The following IL33 variants were observed in gnomAD, a reference collection of about 807,000 sequenced individuals.
IL33 encodes interleukin-33.
A neutral mutation model predicts 27.3 loss-of-function variants in IL33; 37 were observed. That is an observed-to-expected ratio of 1.36 (90% confidence interval 1.04 to 1.78). The LOEUF (loss-of-function observed/expected upper bound fraction) is 1.78, where lower values mean the gene tolerates loss of function less well. Among genes scored for constraint, IL33 ranks in the 40% most tolerant of loss-of-function variants. The probability of loss-of-function intolerance (pLI) is 0.00; values close to 1 mark genes in which losing one functional copy is unlikely to be tolerated. For synonymous variants in IL33, 132 were observed against 102.9 expected, an observed-to-expected ratio of 1.28 and a Z score of -1.71; for missense variants, 406 against 311.4, an observed-to-expected ratio of 1.30 and a Z score of -2.29.
rs760177462 is a variant in IL33 at position 6,254,415 on chromosome 9, T to G, written c.521-47T>G. ...GGTGTTGAATTCATTTAAATAAAGA[T>G]GAGTTACAGTTCTTAACTTTATCAT... On this transcript the variant is annotated intron_variant, in intron 6 of 7. Transcript: ENST00000682010. The G allele has an allele frequency of 6.6e-6, 8 of 1,214,558 alleles. No homozygotes were observed. In the East Asian group the frequency reaches 1.2e-4, roughly 18 times the overall value. 75.2% of individuals were successfully genotyped at this position (1,214,558 alleles called of 1,614,324 possible). A position where few individuals can be genotyped will look rare whatever the true frequency, so the allele number is the denominator to read the frequency against.
chr9:6,249,041 G>C (rs1816178240), intron 2 of IL33, among the ~76,000 whole-genome samples: 1 of 152,146 alleles, frequency 6.6e-6, no homozygotes, highest in Non-Finnish European at 1.5e-5. Flanking sequence ...AATTATCTTT[G>C]TAAGTGTAAA....
At chr9:6,254,025 G>A (rs1052002233) in intron 6 of IL33, among the ~76,000 whole-genome samples, 7 of 152,072 alleles carry the variant, frequency 4.6e-5, no homozygotes, top group African/African-American at 2.4e-5. Context: ...TCCCTTTAAG[G>A]GTACAACCTA....
chr9:6,226,061 G>A (rs1818611887), intron 1 of IL33, among the ~76,000 whole-genome samples: 1 of 152,100 alleles, frequency 6.6e-6, no homozygotes, highest in Non-Finnish European at 1.5e-5. Flanking sequence ...AGGCTAGAGT[G>A]CAGTGACATA....
intron 1 of IL33, among the ~76,000 whole-genome samples, chr9:6,219,205 A>G (rs1026019699): frequency 7.9e-5 from 12 of 151,820 alleles, no homozygotes; most frequent in African/African-American, 2.9e-4. Flanking sequence ...CAACAAAATG[A>G]TTGGGTTGGG....
At chr9:6,227,683 T>C (rs1289909919) in intron 1 of IL33, among the ~76,000 whole-genome samples, 1 of 152,232 alleles carries the variant, frequency 6.6e-6, no homozygotes, top group Non-Finnish European at 1.5e-5. Flanking sequence ...ATAATGCTAC[T>C]AAATCTTCTC....
chr9:6,215,968 GTTA>G (rs1163609352), intron 1 of IL33, 116 bp downstream of exon 1: 3 of 150,090 alleles, frequency 2.0e-5, no homozygotes, highest in Non-Finnish European at 3.0e-5. Context: ...AGGCCAATTT[GTTA>G]TTATTGCTAA....
At chr9:6,222,028 A>G (rs1285424858) in intron 1 of IL33, among the ~76,000 whole-genome samples, 1 of 152,218 alleles carries the variant, frequency 6.6e-6, no homozygotes, top group Non-Finnish European at 1.5e-5. Flanking sequence ...CAAAGGAGGC[A>G]AAGTGAAAAG....
chr9:6,256,144 C>G lies in IL33; in HGVS notation c.789C>G (p.Ile263Met), dbSNP rs16924241. ...CTGAGAATTTGTGTACTGAAAATAT[C>G]TTGTTTAAGCTCTCTGAAACTTAGT... ...DSSENLCTEN[I>M]LFKLSET The change falls in exon 8 of 8, where the codon ATC (isoleucine) becomes ATG (methionine). Residue 263 changes from isoleucine (I) to methionine (M), a missense_variant. Coordinates refer to ENST00000682010, the MANE Select transcript of IL33 (RefSeq NM_033439.4). 1.9e-3 allele frequency: 3,108 copies of G among 1,613,056 alleles called. 56 individuals carry two copies. The African/African-American group carries it at 0.037, about 19-fold the overall frequency.
chr9:6,229,210 C>A (rs1195838440), intron 1 of IL33, among the ~76,000 whole-genome samples: 3 of 152,062 alleles, frequency 2.0e-5, no homozygotes, highest in Non-Finnish European at 4.4e-5. Context: ...AAACTGAGAC[C>A]TGGAGAGCTG....
In IL33 at chr9:6,252,058, A is replaced by AACAAAC. The variant is rs201999875; in HGVS notation, c.343+794_343+795insCAAACA. On this transcript the variant is annotated intron_variant, in intron 4 of 7. Coordinates refer to ENST00000682010, the MANE Select transcript of IL33 (RefSeq NM_033439.4). ...CAGAAAAAAAACAAACAAACAAACAAAAAAAAACCCAACAAAAAACAAAAC... is the reference window on the plus strand; with the variant it reads ...CAGAAAAAAAACAAACAAACAAACAAACAAACAAAAAAACCCAACAAAAAACAAAAC... 5.7e-5 allele frequency among the ~76,000 whole-genome samples: 7 copies of AACAAAC among 122,698 alleles called. 2 individuals are homozygous for AACAAAC. The highest frequency in any genetic ancestry group is 1.7e-4 in the Admixed American group (2 of 11,458). The allele number at this position is 122,698 out of a possible 152,430, so 80.5% of individuals were successfully genotyped here.
At chr9:6,248,597 C>T (rs942219038) in intron 2 of IL33, among the ~76,000 whole-genome samples, 2 of 151,534 alleles carry the variant, frequency 1.3e-5, no homozygotes, top group African/African-American at 4.9e-5. Flanking sequence ...TTTTTAGAGA[C>T]AGGGTCGCAC....
intron 1 of IL33, among the ~76,000 whole-genome samples, chr9:6,240,016 A>G (rs1186562417): frequency 6.6e-6 from 1 of 152,224 alleles, no homozygotes; most frequent in African/African-American, 2.4e-5. Context: ...CCCTACAGTC[A>G]AAACCATGTA....
chr9:6,257,981 G>A lies in IL33; in HGVS notation c.*1813G>A, dbSNP rs998397727. 6.6e-6 allele frequency: 1 copy of A among 152,104 alleles called. No homozygotes were observed. The highest frequency in any genetic ancestry group is 1.5e-5 in the Non-Finnish European group (1 of 68,004). The allele number at this position is 152,104 out of a possible 1,614,324, so 9.4% of individuals were successfully genotyped here. ...ATTGAATAAAGTATATTTTCCAAAT[G>A]TATGTGAGACTATAATGATTTTATC... On this transcript the variant is annotated 3_prime_UTR_variant, in exon 8 of 8. Coordinates refer to ENST00000682010, the MANE Select transcript of IL33 (RefSeq NM_033439.4).
chr9:6,216,592 A>C lies in IL33; in HGVS notation c.-12+740A>C, dbSNP rs1043965212. On this transcript the variant is annotated intron_variant, in intron 1 of 7. Transcript: ENST00000682010. Reference sequence around the variant, plus strand: ...TCTACTAAAAATACAAAAACAAACAAACAAAACTAGCTGGGTGTGGTGGTG... The same window carrying C: ...TCTACTAAAAATACAAAAACAAACACACAAAACTAGCTGGGTGTGGTGGTG... Among the ~76,000 whole-genome samples the C allele has an allele frequency of 2.0e-4, 30 of 152,094 alleles. 1 individual carries two copies. The East Asian group carries it at 5.6e-3, about 28-fold the overall frequency.
Position 6,241,673 on chromosome 9 carries a change from T to C in IL33, c.-11-11T>C. The stretch of plus-strand genomic sequence containing the variant: ...AGACAAATGAACTAATATTATATTT[T>C]AATCCAACAGAATACTGAAAAATGA... On this transcript the variant is annotated splice_polypyrimidine_tract_variant and intron_variant, in intron 1 of 7. Coordinates refer to ENST00000682010, the MANE Select transcript of IL33 (RefSeq NM_033439.4). 6.6e-7 allele frequency: 1 copy of C among 1,524,656 alleles called. No individual in the cohort carries two copies. Among genetic ancestry groups the C allele is most frequent in the Non-Finnish European group, 9.0e-7 (1 of 1,112,560 alleles). 94.4% of individuals were successfully genotyped at this position (1,524,656 alleles called of 1,614,324 possible).
intron 7 of IL33, 70 bp from the exon 8 acceptor site, chr9:6,255,898 A>G (rs1816697508): frequency 1.6e-6 from 2 of 1,246,088 alleles, no homozygotes; most frequent in African/African-American, 1.5e-5. Context: ...TTAGTTTCCA[A>G]TACAGGCAGG....
At chr9:6,253,741 C>T (rs1816555051) in intron 6 of IL33, 139 bp downstream of exon 6, 6 of 602,118 alleles carry the variant, frequency 1.0e-5, no homozygotes, top group African/African-American at 1.9e-5. Context: ...ATGGTAAAAC[C>T]TTAGATTCTC....
intron 1 of IL33, among the ~76,000 whole-genome samples, chr9:6,224,709 T>C (rs1818554928): frequency 6.6e-6 from 1 of 152,202 alleles, no homozygotes; most frequent in Non-Finnish European, 1.5e-5. Flanking sequence ...AAATAATTTT[T>C]CATGCATACA....
At chr9:6,246,063 CAAAAAAAAAAAAAAAAAA>C (rs71328183) in intron 2 of IL33, among the ~76,000 whole-genome samples, 5 of 49,598 alleles carry the variant, frequency 1.0e-4, no homozygotes, top group Admixed American at 4.1e-4. Context: ...ACTCTGTCTC[CAAAAAAAAAAAAAAAAAA>C]AAAAAAAAAA....
Sources: gnomAD v4.1 joint callset for allele counts (sites outside exome capture counted in the v4.1 genomes callset) on GRCh38, gnomAD v4.1.1 for gene constraint, MANE v1.5 for transcripts, NCBI Gene and HGNC (gene_info 2026-07-23, HGNC 2026-07-21) for gene names.